Variants in OR6N1 observed in about 807,000 individuals in gnomAD.
OR6N1 encodes the protein olfactory receptor 6N1.
For synonymous variants in OR6N1, 170 were observed against 150.7 expected, an observed-to-expected ratio of 1.13 and a Z score of -0.94; for missense variants, 394 against 371.7, an observed-to-expected ratio of 1.06 and a Z score of -0.49.
At chr1:158,788,166 TAGA>T in the OR6N1 span, among the ~76,000 whole-genome samples, 8 of 152,342 alleles carry the variant, frequency 5.3e-5, no homozygotes, top group South Asian at 2.1e-4. Flanking sequence ...TTATTGTTAA[TAGA>T]AGAAGCATAA....
the OR6N1 span, among the ~76,000 whole-genome samples, chr1:158,792,366 T>A: frequency 6.6e-5 from 10 of 152,194 alleles, no homozygotes; most frequent in Non-Finnish European, 2.9e-5. Flanking sequence ...TCAGAAACTT[T>A]TAAGTGGAGC....
At chr1:158,828,636 G>C in the OR6N1 span, among the ~76,000 whole-genome samples, 1 of 152,206 alleles carries the variant, frequency 6.6e-6, no homozygotes, top group African/African-American at 2.4e-5. Context: ...GGCTTTTCCA[G>C]TTGCATGGTG....
the OR6N1 span, among the ~76,000 whole-genome samples, chr1:158,810,610 C>T: frequency 6.6e-6 from 1 of 152,254 alleles, no homozygotes; most frequent in East Asian, 1.9e-4. Context: ...CTCCTCTGGG[C>T]CACTAGAAGT....
At position 158,765,776 on chromosome 1, in the gene OR6N1, T is replaced by A; in HGVS notation, c.907A>T (p.Arg303Trp). ...AATATCCCAATTCTCTTTAGCTGCC[T>A]CCTCACAGCCTCCTTGATCTCCTTG... ...RNKEIKEAVR[R>W]QLKRIGILA is the part of the protein sequence containing the mutation. Residue 303 changes from arginine to tryptophan, a missense_variant, in exon 2 of 2, where the codon AGG (arginine) becomes TGG (tryptophan). Arg to Trp is a moderately radical substitution (Grantham distance 101). Transcript: ENST00000641846. The A allele has an allele frequency of 6.2e-7, 1 of 1,613,938 alleles. No individual in the cohort carries two copies. The highest frequency in any genetic ancestry group is 8.5e-7 in the Non-Finnish European group (1 of 1,179,822).
chr1:158,834,336 C>T, the OR6N1 span, among the ~76,000 whole-genome samples: 3 of 151,372 alleles, frequency 2.0e-5, no homozygotes, highest in African/African-American at 7.3e-5. Flanking sequence ...GGGTTCACGC[C>T]ATTCTCCTGC....
At chr1:158,808,223 C>T in the OR6N1 span, among the ~76,000 whole-genome samples, 8 of 149,126 alleles carry the variant, frequency 5.4e-5, no homozygotes, top group Non-Finnish European at 7.4e-5. Context: ...CTGCAAGCTC[C>T]GCCTCCCGGG....
At chr1:158,769,943 G>A (rs1657375096) in intron 1 of OR6N1, among the ~76,000 whole-genome samples, 2 of 152,106 alleles carry the variant, frequency 1.3e-5, no homozygotes, top group Admixed American at 6.5e-5. Context: ...ATGCATACCT[G>A]CCTTCTATAA....
chr1:158,814,107 G>A, the OR6N1 span, among the ~76,000 whole-genome samples: 52 of 151,956 alleles, frequency 3.4e-4, no homozygotes, highest in Middle Eastern at 6.3e-3. Context: ...TTCTTGTCCC[G>A]GAATAACTAC....
chr1:158,789,516 A>G, the OR6N1 span, among the ~76,000 whole-genome samples: 1 of 152,054 alleles, frequency 6.6e-6, no homozygotes, highest in Non-Finnish European at 1.5e-5. Context: ...TCTCTTTTTT[A>G]TAAAAGCTAT....
At chr1:158,825,457 C>T in the OR6N1 span, among the ~76,000 whole-genome samples, 5 of 150,612 alleles carry the variant, frequency 3.3e-5, no homozygotes, top group Non-Finnish European at 1.5e-5. Context: ...AAAAAGTGAG[C>T]AAAAGACATG....
the OR6N1 span, among the ~76,000 whole-genome samples, chr1:158,799,527 C>T: frequency 6.6e-6 from 1 of 152,134 alleles, no homozygotes. Flanking sequence ...ATTAGATCCT[C>T]TTGGTTTTTA....
At chr1:158,787,098 G>C in the OR6N1 span, among the ~76,000 whole-genome samples, 48 of 152,140 alleles carry the variant, frequency 3.2e-4, no homozygotes, top group East Asian at 6.4e-3. Context: ...TTCGGTCATG[G>C]GGGTGAATTC....
chr1:158,812,047 C>G, the OR6N1 span, among the ~76,000 whole-genome samples: 1 of 152,290 alleles, frequency 6.6e-6, no homozygotes, highest in South Asian at 2.1e-4. Flanking sequence ...ATGGTTGCAA[C>G]TGCCATTTGA....
At chr1:158,834,798 T>G in the OR6N1 span, among the ~76,000 whole-genome samples, 16 of 152,342 alleles carry the variant, frequency 1.1e-4, no homozygotes, top group Admixed American at 1.3e-4. Context: ...AGTTACATTT[T>G]GTATATGATG....
the OR6N1 span, among the ~76,000 whole-genome samples, chr1:158,819,006 A>G: frequency 2.8e-3 from 434 of 152,282 alleles, 3 homozygotes; most frequent in Middle Eastern, 0.061. Flanking sequence ...GAAGGAAAAC[A>G]AGCTGCTTAA....
the OR6N1 span, among the ~76,000 whole-genome samples, chr1:158,787,932 G>T: frequency 9.9e-5 from 15 of 152,206 alleles, 1 homozygote; most frequent in African/African-American, 3.6e-4. Context: ...CTCAGAAGAC[G>T]CAGGCAGTGT....
the OR6N1 span, among the ~76,000 whole-genome samples, chr1:158,804,674 A>G: frequency 6.6e-6 from 1 of 152,194 alleles, no homozygotes; most frequent in Non-Finnish European, 1.5e-5. Flanking sequence ...ATTTACCTAA[A>G]CATTTAATGT....
At chr1:158,811,711 T>A in the OR6N1 span, among the ~76,000 whole-genome samples, 1 of 152,168 alleles carries the variant, frequency 6.6e-6, no homozygotes, top group African/African-American at 2.4e-5. Context: ...ATCACACAGA[T>A]AATAGCAAAA....
chr1:158,815,236 G>A, the OR6N1 span, among the ~76,000 whole-genome samples: 2 of 152,106 alleles, frequency 1.3e-5, no homozygotes, highest in African/African-American at 4.8e-5. Flanking sequence ...ATTCATAAAT[G>A]GATGAATATG....
Sources: gnomAD v4.1 joint callset for allele counts (sites outside exome capture counted in the v4.1 genomes callset) on GRCh38, gnomAD v4.1.1 for gene constraint, MANE v1.5 for transcripts, NCBI Gene and HGNC (gene_info 2026-07-23, HGNC 2026-07-21) for gene names.